SLC22A25: variants seen among roughly 807,000 people sequenced by gnomAD.
The protein encoded by SLC22A25 is MGI:2442751, MGI:2385316, MGI:3042283, MGI:3645714, MGI:3605624, MGI:2442750.
Under a neutral mutation model 45.9 loss-of-function variants are expected in SLC22A25, and 44 were observed. That is an observed-to-expected ratio of 0.96 (90% CI 0.75 to 1.23). The LOEUF is 1.23. Ranked by LOEUF, SLC22A25 falls within the 50% of genes most tolerant of loss-of-function variation. The probability of loss-of-function intolerance (pLI) is 0.00; values close to 1 mark genes in which losing one functional copy is unlikely to be tolerated. For synonymous variants in SLC22A25, 283 were observed against 238.6 expected (o/e 1.19, Z -1.72); for missense variants, 800 against 666.4 (o/e 1.20, Z -2.21).
chr11:63,240,570 CACTT>C (rs1565133218), intron 1 of SLC22A25, among the ~76,000 whole-genome samples: 1 of 152,142 alleles, frequency 6.6e-6, no homozygotes, highest in African/African-American at 2.4e-5. Flanking sequence ...TTTGTAATAA[CACTT>C]AAAATATAAA....
At position 63,180,800 on chromosome 11, in the gene SLC22A25, A is replaced by G. The variant is rs752493918; in HGVS notation, c.955-25T>C. 7 of 1,560,478 alleles carry G rather than the reference A, an allele frequency of 4.5e-6. No individual in the cohort carries two copies. In the Admixed American group the frequency reaches 6.8e-5, roughly 15 times the overall value. Reference sequence around the variant, plus strand: ...CCTTCAACAACAACAGAAGCAATAAACTGTTCAGTTGTCACAAAATGGTAG... The same window carrying G: ...CCTTCAACAACAACAGAAGCAATAAGCTGTTCAGTTGTCACAAAATGGTAG... On this transcript the variant is annotated intron_variant, in intron 8 of 11. Coordinates refer to ENST00000306494, the MANE Select transcript of SLC22A25 (RefSeq NM_199352.6).
At chr11:63,213,979 A>C (rs1205210175) in intron 7 of SLC22A25, among the ~76,000 whole-genome samples, 1 of 152,174 alleles carries the variant, frequency 6.6e-6, no homozygotes, top group Non-Finnish European at 1.5e-5. Context: ...GGAGGAGTAC[A>C]TGGAAAATTT....
intron 3 of SLC22A25, among the ~76,000 whole-genome samples, chr11:63,230,410 C>A (rs1263517866): frequency 1.3e-5 from 2 of 152,108 alleles, no homozygotes; most frequent in African/African-American, 4.8e-5. Context: ...GTGTCAGTAT[C>A]TTGAATAATG....
intron 7 of SLC22A25, among the ~76,000 whole-genome samples, chr11:63,213,919 C>T (rs182550324): frequency 1.3e-5 from 2 of 152,178 alleles, no homozygotes; most frequent in African/African-American, 4.8e-5. Flanking sequence ...GAGGCTCAAG[C>T]CTTACCTTCT....
intron 4 of SLC22A25, 130 bp downstream of exon 4, chr11:63,229,121 C>A: frequency 1.0e-6 from 1 of 952,484 alleles, no homozygotes; most frequent in South Asian, 2.9e-5. Flanking sequence ...AGTAGAGAAG[C>A]AATTAATGTT....
chr11:63,240,650 T>C (rs1461978640), intron 1 of SLC22A25, among the ~76,000 whole-genome samples: 2 of 152,236 alleles, frequency 1.3e-5, no homozygotes, highest in Non-Finnish European at 2.9e-5. Flanking sequence ...TTCTATTAAG[T>C]TTATTTTTTG....
intron 7 of SLC22A25, among the ~76,000 whole-genome samples, chr11:63,187,521 A>AT (rs1354587260): frequency 6.6e-6 from 1 of 152,158 alleles, no homozygotes; most frequent in Non-Finnish European, 1.5e-5. Context: ...TCTTTTCCTA[A>AT]TTGAATACAT....
chr11:63,233,830 G>A (rs1258947510), intron 3 of SLC22A25, among the ~76,000 whole-genome samples: 6 of 152,264 alleles, frequency 3.9e-5, no homozygotes, highest in Non-Finnish European at 7.4e-5. Context: ...ATTCTGGTAT[G>A]TTGTGTCTTT....
At chr11:63,241,665 C>A (rs1456336014) in intron 1 of SLC22A25, among the ~76,000 whole-genome samples, 3 of 152,046 alleles carry the variant, frequency 2.0e-5, no homozygotes, top group Admixed American at 1.3e-4. Flanking sequence ...TATCAAGGCC[C>A]CCAGAGGGAA....
intron 7 of SLC22A25, among the ~76,000 whole-genome samples, chr11:63,191,784 C>A (rs1264771609): frequency 1.3e-5 from 2 of 151,670 alleles, no homozygotes; most frequent in African/African-American, 4.9e-5. Context: ...GACAGTCAGA[C>A]AAGAATAGAG....
intron 7 of SLC22A25, among the ~76,000 whole-genome samples, chr11:63,193,477 G>A (rs1175025039): frequency 6.6e-6 from 1 of 152,224 alleles, no homozygotes; most frequent in African/African-American, 2.4e-5. Flanking sequence ...GTTCTGCAAT[G>A]TTTGCTGTTC....
chr11:63,233,836 TC>T (rs528837416), intron 3 of SLC22A25, among the ~76,000 whole-genome samples: 433 of 152,362 alleles, frequency 2.8e-3, no homozygotes, highest in Non-Finnish European at 4.9e-3. Context: ...GTATGTTGTG[TC>T]TTTGTTCTCA....
Position 63,194,890 on chromosome 11 carries a change from C to CAAAAAAAAAAAAAAAAAAAA in SLC22A25, c.831-11093_831-11074dup, listed in dbSNP as rs796301840. On this transcript the variant is annotated intron_variant, in intron 7 of 11. Transcript: ENST00000306494. ...GAAAATCTACCAAGCAAATGGAAAGCAAAAAAAAAAAAAAAAAAAAAAAAA... is the reference window on the plus strand; with the variant it reads ...GAAAATCTACCAAGCAAATGGAAAGCAAAAAAAAAAAAAAAAAAAAAAAAAAAAAAAAAAAAAAAAAAAAA... Among the ~76,000 whole-genome samples the CAAAAAAAAAAAAAAAAAAAA allele has an allele frequency of 8.7e-5, 3 of 34,626 alleles. 1 individual carries two copies. Among genetic ancestry groups the CAAAAAAAAAAAAAAAAAAAA allele is most frequent in the Non-Finnish European group, 1.9e-4 (3 of 16,072 alleles). The allele number at this position is 34,626 out of a possible 152,430, so 22.7% of individuals were successfully genotyped here.
chr11:63,185,771 C>T (rs573873826), intron 7 of SLC22A25, among the ~76,000 whole-genome samples: 109 of 145,084 alleles, frequency 7.5e-4, no homozygotes, highest in African/African-American at 2.6e-3. Flanking sequence ...TCAATTCCCA[C>T]CTATGAGTGA....
At chr11:63,184,398 C>G (rs2088443291) in intron 7 of SLC22A25, among the ~76,000 whole-genome samples, 2 of 152,120 alleles carry the variant, frequency 1.3e-5, no homozygotes, top group Admixed American at 1.3e-4. Flanking sequence ...TACACTTTCT[C>G]TCTATCTGAA....
Position 63,164,511 on chromosome 11 carries a change from C to A in SLC22A25, c.1394+15G>T, listed in dbSNP as rs764727450. The A allele has an allele frequency of 1.9e-6, 3 of 1,603,554 alleles. No homozygotes were observed. Among genetic ancestry groups the A allele is most frequent in the Non-Finnish European group, 2.6e-6 (3 of 1,170,690 alleles). Reference sequence around the variant, plus strand: ...TCCATTTTGAGAATGACAGAGCACACATAAACTTTTGTACCTGATTATGGA... The same window carrying A: ...TCCATTTTGAGAATGACAGAGCACAAATAAACTTTTGTACCTGATTATGGA... On this transcript the variant is annotated intron_variant, in intron 11 of 11. Coordinates refer to ENST00000306494, the MANE Select transcript of SLC22A25 (RefSeq NM_199352.6).
At chr11:63,233,726 T>C (rs1425336360) in intron 3 of SLC22A25, among the ~76,000 whole-genome samples, 1 of 152,216 alleles carries the variant, frequency 6.6e-6, no homozygotes, top group Non-Finnish European at 1.5e-5. Flanking sequence ...AATTGTGATG[T>C]TAGGGTGTCA....
rs548780202 is a variant in SLC22A25 at position 63,212,609 on chromosome 11, T to C, written c.830+4705A>G. Among the ~76,000 whole-genome samples, 6 of 139,760 alleles carry C rather than the reference T, an allele frequency of 4.3e-5. No homozygotes were observed. In the East Asian group the frequency reaches 8.5e-4, roughly 20 times the overall value. 91.7% of individuals were successfully genotyped at this position (139,760 alleles called of 152,430 possible). A position where few individuals can be genotyped will look rare whatever the true frequency, so the allele number is the denominator to read the frequency against. On this transcript the variant is annotated intron_variant, in intron 7 of 11. Transcript: ENST00000306494. The stretch of plus-strand genomic sequence containing the variant: ...ACATGTTCTCACTTATAGGTGGGAA[T>C]TGAGCAATGAGAACACATGGACGCA...
intron 7 of SLC22A25, among the ~76,000 whole-genome samples, chr11:63,204,180 A>C (rs1475698890): frequency 2.0e-5 from 3 of 152,226 alleles, no homozygotes; most frequent in Admixed American, 2.0e-4. Flanking sequence ...AAAAGGAAAA[A>C]CTGGTAGCAG....
Sources: allele counts gnomAD v4.1 joint callset (sites outside exome capture counted in the v4.1 genomes callset), GRCh38; gene constraint gnomAD v4.1.1; transcripts MANE v1.5; gene names NCBI Gene and HGNC (gene_info 2026-07-23, HGNC 2026-07-21).